Variants in DNAH11 observed in about 807,000 individuals in gnomAD.
The protein encoded by DNAH11 is dynein axonemal heavy chain 11.
DNAH11 carries 442 observed loss-of-function variants against 526.0 expected under a neutral mutation model. The ratio of observed to expected loss-of-function variants is 0.84; its 90% confidence interval spans 0.78 to 0.91. The LOEUF is 0.91. Ranked by LOEUF, DNAH11 falls within the 40% of genes least tolerant of loss-of-function variation. DNAH11 has a pLI of 0.00. For synonymous variants in DNAH11, 2,461 were observed against 1,935.9 expected, an observed-to-expected ratio of 1.27 and a Z score of -7.12; for missense variants, 6,989 against 5,448.7, an observed-to-expected ratio of 1.28 and a Z score of -8.90.
At chr7:21,842,868 G>GA (rs1301249039) in intron 66 of DNAH11, 120 bp downstream of exon 66, 5 of 844,936 alleles carry the variant, frequency 5.9e-6, no homozygotes, top group Non-Finnish European at 5.3e-6. Flanking sequence ...ACCTAATTGG[G>GA]AAAAATAAGT....
In DNAH11 at chr7:21,673,469, G is replaced by T. The variant is rs538402399; in HGVS notation, c.5329-8077G>T. Among the ~76,000 whole-genome samples the T allele has an allele frequency of 2.6e-5, 4 of 152,264 alleles. No individual in the cohort carries two copies. The East Asian group carries it at 7.7e-4, about 29-fold the overall frequency. On this transcript the variant is annotated intron_variant, in intron 30 of 81. Coordinates refer to ENST00000409508, the MANE Select transcript of DNAH11 (RefSeq NM_001277115.2). Reference sequence around the variant, plus strand: ...CCGACATCATCAAAGAGGAACTAGAGCAATGGCCATCAGGCTGATGTCCCT... The same window carrying T: ...CCGACATCATCAAAGAGGAACTAGATCAATGGCCATCAGGCTGATGTCCCT...
Position 21,545,148 on chromosome 7 carries a change from AG to A in DNAH11, c.495+1del, listed in dbSNP as rs1432352842. ...SLGHVSAFLD[E>X]ILVPVLSNKN... is the part of the protein sequence containing the mutation. The stretch of plus-strand genomic sequence containing the variant: ...GGACATGTATCTGCTTTCCTTGATG[AG>A]GTACTGGTCTGTCTTTAATATTTAA... On this transcript the variant is annotated frameshift_variant and splice_region_variant, in exon 2 of 82. Transcript: ENST00000409508. LOFTEE classifies it high-confidence loss of function. 3.7e-6 allele frequency: 6 copies of A among 1,608,004 alleles called. No individual in the cohort carries two copies. Among genetic ancestry groups the A allele is most frequent in the Non-Finnish European group, 5.1e-6 (6 of 1,176,918 alleles).
At position 21,877,716 on chromosome 7, in the gene DNAH11, A is replaced by C. The variant is rs573106416; in HGVS notation, c.12196-2986A>C. On this transcript the variant is annotated intron_variant, in intron 74 of 81. Transcript: ENST00000409508. ...AGGTGAAACCCCATCTCTACTAAAA[A>C]TACAAAAAATTAGCCAGGCGTGGTG... is the stretch of plus-strand genomic sequence containing the variant. Among the ~76,000 whole-genome samples, 6 of 152,110 alleles carry C rather than the reference A, an allele frequency of 3.9e-5. No individual in the cohort carries two copies. The East Asian group carries it at 9.7e-4, about 25-fold the overall frequency.
At position 21,738,781 on chromosome 7, in the gene DNAH11, G is replaced by A. The variant is rs1282090941; in HGVS notation, c.7726G>A (p.Asp2576Asn). Residue 2576 changes from aspartate to asparagine, a missense_variant, in exon 47 of 82, where the codon GAC (aspartate) becomes AAC (asparagine). Coordinates refer to ENST00000409508, the MANE Select transcript of DNAH11 (RefSeq NM_001277115.2). ...AAATAAAAAATTGATTTATTTTATC[G>A]ACGACATGAACATGCCTGAAGTGGA... Reference protein sequence around the residue: ...GGNKKLIYFIDDMNMPEVDLY... With the variant: ...GGNKKLIYFINDMNMPEVDLY... 6 of 1,596,974 alleles carry A rather than the reference G, an allele frequency of 3.8e-6. No individual in the cohort carries two copies. The highest frequency in any genetic ancestry group is 2.7e-5 in the African/African-American group (2 of 74,488).
In DNAH11 at chr7:21,617,493, A is replaced by G. The variant is rs6461590; in HGVS notation, c.4096-126A>G. ...TTTCTCTGGTTTTGCTCCTTGGTCT[A>G]GGAGTTCAAATGCTTTCACTCTTTT... is the stretch of plus-strand genomic sequence containing the variant. On this transcript the variant is annotated intron_variant, in intron 22 of 81. Transcript: ENST00000409508. The G allele has an allele frequency of 8.1e-3, 9,079 of 1,126,546 alleles. 466 individuals are homozygous for G. The African/African-American group carries it at 0.12, about 15-fold the overall frequency. The allele number at this position is 1,126,546 out of a possible 1,614,324, so 69.8% of individuals were successfully genotyped here.
chr7:21,854,051 C>T (rs1228542605), intron 67 of DNAH11, among the ~76,000 whole-genome samples: 2 of 152,114 alleles, frequency 1.3e-5, no homozygotes, highest in African/African-American at 2.4e-5. Context: ...TTCTGTAGAA[C>T]AGAAAACAAC....
intron 9 of DNAH11, among the ~76,000 whole-genome samples, chr7:21,583,229 C>G (rs901884167): frequency 6.6e-6 from 1 of 152,046 alleles, no homozygotes; most frequent in South Asian, 2.1e-4. Context: ...GTACTGGTAC[C>G]AAAACAGATT....
intron 76 of DNAH11, among the ~76,000 whole-genome samples, chr7:21,889,036 GCAGT>G (rs1238869463): frequency 7.1e-6 from 1 of 140,826 alleles, no homozygotes; most frequent in Non-Finnish European, 1.5e-5. Context: ...GCAGCCATTA[GCAGT>G]CAGGCACCAT....
intron 61 of DNAH11, 100 bp from the exon 62 acceptor site, chr7:21,801,037 G>C (rs1788964524): frequency 7.9e-7 from 1 of 1,258,782 alleles, no homozygotes; most frequent in Non-Finnish European, 1.1e-6. Flanking sequence ...GGGGGGAAGA[G>C]GTTTGTCCAT....
At position 21,868,906 on chromosome 7, in the gene DNAH11, A is replaced by G. The variant is rs186794216; in HGVS notation, c.11882A>G (p.Asn3961Ser). The G allele has an allele frequency of 1.2e-5, 19 of 1,614,016 alleles. No individual in the cohort carries two copies. Among genetic ancestry groups the G allele is most frequent in the East Asian group, 4.5e-5 (2 of 44,876 alleles). The change falls in exon 73 of 82, where the codon AAT (asparagine) becomes AGT (serine). Residue 3961 changes from asparagine to serine, a missense_variant. Asn to Ser is a conservative substitution (Grantham distance 46, BLOSUM62 1). Transcript: ENST00000409508. ...GFTIDSGKFH[N>S]VSLGQGQETV... ...ACAATTGACTCTGGAAAATTCCACA[A>G]TGTGTCTTTAGGACAAGGTCAGGAG...
chr7:21,686,395 T>G (rs911525681), intron 32 of DNAH11, among the ~76,000 whole-genome samples: 2 of 152,162 alleles, frequency 1.3e-5, no homozygotes, highest in Non-Finnish European at 2.9e-5. Context: ...CTGAGGAAAC[T>G]CCAAATAAAG....
intron 65 of DNAH11, among the ~76,000 whole-genome samples, chr7:21,842,192 G>C (rs752469492): frequency 6.6e-5 from 10 of 152,172 alleles, no homozygotes; most frequent in Non-Finnish European, 1.0e-4. Flanking sequence ...TTTGCTTAAA[G>C]TCACAGTTTG....
At chr7:21,686,499 G>A (rs559302123) in intron 32 of DNAH11, among the ~76,000 whole-genome samples, 1 of 152,248 alleles carries the variant, frequency 6.6e-6, no homozygotes, top group Admixed American at 6.5e-5. Flanking sequence ...AGTCTTTGCT[G>A]CAAAAATAAG....
In DNAH11 at chr7:21,599,969, G is replaced by C. The variant is rs751558017; in HGVS notation, c.2850G>C (p.Leu950Phe). ...CGTTTTTTCAAGCACAAATGATCTT[G>C]TTGCCTCCTGAGATTGTGTTTAAAC... ...PAPFFQAQMI[L>F]LPPEIVFKPS... The change falls in exon 15 of 82, where the codon TTG becomes TTC. Residue 950 changes from leucine to phenylalanine, a missense_variant. Leu to Phe is a conservative substitution (Grantham distance 22, BLOSUM62 0). Coordinates refer to ENST00000409508, the MANE Select transcript of DNAH11 (RefSeq NM_001277115.2). The C allele has an allele frequency of 1.9e-6, 3 of 1,613,608 alleles. No homozygotes were observed. The South Asian group carries it at 3.3e-5, about 18-fold the overall frequency.
At chr7:21,694,054 G>C (rs1783743757) in intron 35 of DNAH11, among the ~76,000 whole-genome samples, 1 of 152,140 alleles carries the variant, frequency 6.6e-6, no homozygotes, top group South Asian at 2.1e-4. Flanking sequence ...GGGAAAATCT[G>C]CTCCCATGAT....
chr7:21,696,211 C>T (rs576656855), intron 35 of DNAH11, among the ~76,000 whole-genome samples: 7 of 148,938 alleles, frequency 4.7e-5, no homozygotes, highest in African/African-American at 1.8e-4. Flanking sequence ...TCCGTTCTTT[C>T]CAACTTAAAG....
At chr7:21,769,276 G>A (rs1044757833) in intron 55 of DNAH11, among the ~76,000 whole-genome samples, 2 of 152,134 alleles carry the variant, frequency 1.3e-5, no homozygotes. Context: ...CATAAGTAGG[G>A]TCCAGACTTT....
chr7:21,723,717 T>C (rs571728679), intron 44 of DNAH11, among the ~76,000 whole-genome samples: 4 of 152,192 alleles, frequency 2.6e-5, no homozygotes, highest in Non-Finnish European at 5.9e-5. Flanking sequence ...TTTCTTCCTC[T>C]GCCACTTCCC....
chr7:21,562,258 A>G (rs1783490889), intron 5 of DNAH11, among the ~76,000 whole-genome samples: 1 of 152,284 alleles, frequency 6.6e-6, no homozygotes, highest in Middle Eastern at 3.4e-3. Flanking sequence ...GATATTTAGC[A>G]GTATCTCTGG....
Sources: gnomAD v4.1 joint callset for allele counts (sites outside exome capture counted in the v4.1 genomes callset) on GRCh38, gnomAD v4.1.1 for gene constraint, MANE v1.5 for transcripts, NCBI Gene and HGNC (gene_info 2026-07-23, HGNC 2026-07-21) for gene names.